FAT4: variants seen among roughly 807,000 people sequenced by gnomAD.
FAT4 encodes the protein FAT atypical cadherin 4, also known as protocadherin Fat 4.
FAT4 carries 84 observed loss-of-function variants against 303.9 expected under a neutral mutation model. That is an observed-to-expected ratio of 0.28 (90% confidence interval 0.23 to 0.33). The LOEUF is 0.33. Ranked by LOEUF, FAT4 falls within the 10% of genes least tolerant of loss-of-function variation. FAT4 has a pLI of 1.00. For missense variants in FAT4, 6,005 were observed against 6,146.8 expected (o/e 0.98, Z 0.77); for synonymous variants, 2,307 against 2,298.8 (o/e 1.00, Z -0.10).
intron 8 of FAT4, among the ~76,000 whole-genome samples, chr4:125,440,801 C>A (rs1725634795): frequency 6.6e-6 from 1 of 152,046 alleles, no homozygotes; most frequent in Non-Finnish European, 1.5e-5. Context: ...CACAGTGTAC[C>A]TAAAATTCTT....
At chr4:125,485,399 T>C (rs1727373764) in intron 16 of FAT4, among the ~76,000 whole-genome samples, 1 of 152,144 alleles carries the variant, frequency 6.6e-6, no homozygotes, top group African/African-American at 2.4e-5. Context: ...TTTTTTCTAT[T>C]TTAAAAGTTT....
rs761732106 is a variant in FAT4 at position 125,319,063 on chromosome 4, G to T, written c.2652G>T (p.Lys884Asn). The T allele has an allele frequency of 1.9e-6, 3 of 1,614,132 alleles. No individual in the cohort carries two copies. The highest frequency in any genetic ancestry group is 2.5e-6 in the Non-Finnish European group (3 of 1,180,028). The change falls in exon 2 of 18, where the codon AAG becomes AAT. Residue 884 changes from lysine to asparagine, a missense_variant. Coordinates refer to ENST00000394329, the MANE Select transcript of FAT4 (RefSeq NM_001291303.3). Reference sequence around the variant, plus strand: ...ACACTATGGTTAACATAACAGTTAAGGATTTGAATGACAACTCTCCCCATT... The same window carrying T: ...ACACTATGGTTAACATAACAGTTAATGATTTGAATGACAACTCTCCCCATT... ...TGDTMVNITV[K>N]DLNDNSPHFL...
At chr4:125,332,687 G>GT (rs1347599391) in intron 2 of FAT4, among the ~76,000 whole-genome samples, 1 of 151,902 alleles carries the variant, frequency 6.6e-6, no homozygotes, top group East Asian at 1.9e-4. Flanking sequence ...TTTAGAAATC[G>GT]TTTTTTGTCC....
intron 2 of FAT4, among the ~76,000 whole-genome samples, chr4:125,338,833 A>C (rs1731668270): frequency 6.6e-6 from 1 of 152,184 alleles, no homozygotes; most frequent in South Asian, 2.1e-4. Flanking sequence ...TATCAGGCAA[A>C]TTATACCCAC....
At chr4:125,403,552 A>G (rs554912798) in intron 3 of FAT4, among the ~76,000 whole-genome samples, 1 of 152,140 alleles carries the variant, frequency 6.6e-6, no homozygotes, top group East Asian at 1.9e-4. Flanking sequence ...TGTGGCTTCA[A>G]CTGACACCCA....
At chr4:125,346,373 T>A (rs1213701551) in intron 2 of FAT4, among the ~76,000 whole-genome samples, 2 of 150,238 alleles carry the variant, frequency 1.3e-5, no homozygotes, top group Non-Finnish European at 3.0e-5. Context: ...CTTGATTCTC[T>A]GAGAAAAAAA....
intron 17 of FAT4, among the ~76,000 whole-genome samples, chr4:125,488,869 G>A (rs1727502933): frequency 1.3e-5 from 2 of 152,248 alleles, no homozygotes; most frequent in Non-Finnish European, 1.5e-5. Flanking sequence ...AGCCTGGGAC[G>A]TCATCTTGAT....
intron 14 of FAT4, 127 bp downstream of exon 14, chr4:125,477,461 G>T: frequency 1.1e-6 from 1 of 888,382 alleles, no homozygotes; most frequent in South Asian, 2.6e-5. Context: ...ACATTGTTTT[G>T]AATTTTAAAT....
intron 2 of FAT4, among the ~76,000 whole-genome samples, chr4:125,364,214 A>G (rs904691027): frequency 2.0e-5 from 3 of 151,456 alleles, no homozygotes; most frequent in Admixed American, 6.6e-5. Context: ...TCTTGCTACA[A>G]ATTAAATGTA....
rs1408869324 is a variant in FAT4 at position 125,490,306 on chromosome 4, C to A, written c.13490C>A (p.Pro4497His). 6.2e-7 allele frequency: 1 copy of A among 1,614,130 alleles called. No individual in the cohort carries two copies. Among genetic ancestry groups the A allele is most frequent in the Admixed American group, 1.7e-5 (1 of 60,018 alleles). ...AGHVCVLSQG[P>H]EEISLPLWAV... Reference sequence around the variant, plus strand: ...CATGTCTGTGTTCTGAGTCAGGGCCCTGAAGAGATCTCTCTGCCTTTGTGG... The same window carrying A: ...CATGTCTGTGTTCTGAGTCAGGGCCATGAAGAGATCTCTCTGCCTTTGTGG... The change falls in exon 18 of 18, where the codon CCT (proline) becomes CAT (histidine). Residue 4497 changes from proline (P) to histidine (H), a missense_variant. Pro to His is a moderately conservative substitution (Grantham distance 77). Coordinates refer to ENST00000394329, the MANE Select transcript of FAT4 (RefSeq NM_001291303.3).
chr4:125,377,877 A>G (rs964492551), intron 2 of FAT4, among the ~76,000 whole-genome samples: 1 of 152,134 alleles, frequency 6.6e-6, no homozygotes, highest in African/African-American at 2.4e-5. Context: ...TAGTTCAGTT[A>G]TCACACAAAC....
rs1730619218 is a variant in FAT4 at position 125,316,756 on chromosome 4, C to T, written c.345C>T (p.Pro115=). 1.2e-6 allele frequency: 2 copies of T among 1,614,042 alleles called. No homozygotes were observed. The highest frequency in any genetic ancestry group is 2.2e-5 in the East Asian group (1 of 44,854). ...VINLVVLSSA[P]TYPTEVRVLV... ...ACCTGGTGGTCCTTTCCAGCGCGCC[C>T]ACCTACCCCACCGAAGTGCGAGTGC... The change falls in exon 2 of 18, where the codon CCC becomes CCT. Residue 115 remains proline (P), a synonymous_variant. Coordinates refer to ENST00000394329, the MANE Select transcript of FAT4 (RefSeq NM_001291303.3). This position sits in a 1 kb window ranked among gnomAD's most constrained non-coding sequence, Gnocchi z 5.7.
chr4:125,370,365 A>T (rs1202755069), intron 2 of FAT4, among the ~76,000 whole-genome samples: 1 of 152,236 alleles, frequency 6.6e-6, no homozygotes, highest in Non-Finnish European at 1.5e-5. Flanking sequence ...ATTGTGATAC[A>T]TATGACAAAC....
In FAT4 at chr4:125,451,676, G is replaced by A. The variant is rs1276011786; in HGVS notation, c.10666G>A (p.Ala3556Thr). The change falls in exon 10 of 18, where the codon GCC (alanine) becomes ACC (threonine). Residue 3556 changes from alanine (A) to threonine (T), a missense_variant. By Grantham distance (58) the Ala-to-Thr change is moderately conservative (BLOSUM62 0). Transcript: ENST00000394329. ...FTYYLLSTGP[A>T]TSYFSLSTAG... Reference sequence around the variant, plus strand: ...TTATTACTTGCTGAGCACAGGTCCTGCCACCAGTTATTTCAGTCTGAGCAC... The same window carrying A: ...TTATTACTTGCTGAGCACAGGTCCTACCACCAGTTATTTCAGTCTGAGCAC... 1.9e-6 allele frequency: 3 copies of A among 1,614,114 alleles called. No individual in the cohort carries two copies. The highest frequency in any genetic ancestry group is 1.1e-5 in the South Asian group (1 of 91,082).
At chr4:125,434,668 G>A (rs1725394710) in intron 8 of FAT4, among the ~76,000 whole-genome samples, 1 of 151,822 alleles carries the variant, frequency 6.6e-6, no homozygotes, top group African/African-American at 2.4e-5. Flanking sequence ...TCATGGTTTT[G>A]TGGTTTGGGA....
intron 11 of FAT4, among the ~76,000 whole-genome samples, chr4:125,465,018 T>C (rs1359884629): frequency 6.6e-6 from 1 of 152,174 alleles, no homozygotes; most frequent in African/African-American, 2.4e-5. Flanking sequence ...CATGACTATC[T>C]GTTTTTATTA....
chr4:125,364,264 A>G (rs1267824891), intron 2 of FAT4, among the ~76,000 whole-genome samples: 1 of 151,494 alleles, frequency 6.6e-6, no homozygotes, highest in Non-Finnish European at 1.5e-5. Flanking sequence ...TTTTCTCTCT[A>G]TAGTGATTCT....
At chr4:125,334,309 G>C (rs892358886) in intron 2 of FAT4, among the ~76,000 whole-genome samples, 3 of 151,922 alleles carry the variant, frequency 2.0e-5, no homozygotes, top group Middle Eastern at 3.2e-3. Flanking sequence ...CCCGATTCTT[G>C]CTCTTTCCCA....
Position 125,316,933 on chromosome 4 carries a change from C to G in FAT4, c.522C>G (p.Tyr174Ter). 6.2e-7 allele frequency: 1 copy of G among 1,614,012 alleles called. No homozygotes were observed. Among genetic ancestry groups the G allele is most frequent in the Non-Finnish European group, 8.5e-7 (1 of 1,180,044 alleles). The part of the protein sequence containing the change: ...IGSNGVDHRS[Y>*]RIIRGNEAGR... ...CAAACGGTGTGGACCACCGCTCCTACCGCATCATCCGCGGCAATGAGGCGG... is the reference window on the plus strand; with the variant it reads ...CAAACGGTGTGGACCACCGCTCCTAGCGCATCATCCGCGGCAATGAGGCGG... Residue 174 changes from tyrosine (Y) to a stop codon, truncating the protein, a stop_gained, in exon 2 of 18, where the codon TAC (tyrosine) becomes TAG (stop). Coordinates refer to ENST00000394329, the MANE Select transcript of FAT4 (RefSeq NM_001291303.3). LOFTEE classifies it high-confidence loss of function. This position sits in a 1 kb window ranked among gnomAD's most constrained non-coding sequence, Gnocchi z 5.7.
Sources: gnomAD v4.1 joint callset for allele counts (sites outside exome capture counted in the v4.1 genomes callset) on GRCh38, gnomAD v4.1.1 for gene constraint, Gnocchi (gnomAD v3.1) non-coding constraint, MANE v1.5 for transcripts, NCBI Gene and HGNC (gene_info 2026-07-23, HGNC 2026-07-21) for gene names.